Variants in CACNA1H observed in about 807,000 individuals in gnomAD.
CACNA1H encodes the protein calcium voltage-gated channel subunit alpha1 H, also known as voltage-dependent T-type calcium channel subunit alpha-1H.
A neutral mutation model predicts 192.5 loss-of-function variants in CACNA1H; 149 were observed. That is an observed-to-expected ratio of 0.77 (90% confidence interval 0.68 to 0.89). The LOEUF (loss-of-function observed/expected upper bound fraction) is 0.89, where lower values mean the gene tolerates loss of function less well. Ranked by LOEUF, CACNA1H falls within the 40% of genes least tolerant of loss-of-function variation. The probability of loss-of-function intolerance (pLI) is 0.00; values close to 1 mark genes in which losing one functional copy is unlikely to be tolerated. For synonymous variants in CACNA1H, 2,202 were observed against 1,475.2 expected, an observed-to-expected ratio of 1.49 and a Z score of -11.29; for missense variants, 4,257 against 3,423.5, an observed-to-expected ratio of 1.24 and a Z score of -6.08.
chr16:1,215,050 G>A lies in CACNA1H; in HGVS notation c.5008G>A (p.Ala1670Thr). The change falls in exon 28 of 35, where the codon GCA becomes ACA. Residue 1670 changes from alanine to threonine, a missense_variant. Ala to Thr is a moderately conservative substitution (Grantham distance 58). Transcript: ENST00000348261. The part of the protein sequence containing the change: ...FVFEAALKLV[A>T]FGFRRFFKDR... The stretch of plus-strand genomic sequence containing the variant: ...CTTCGAGGCTGCACTGAAGCTGGTA[G>A]CATTTGGGTTCCGTCGGTTCTTCAA... 1 of 1,613,042 alleles carries A rather than the reference G, an allele frequency of 6.2e-7. No individual in the cohort carries two copies. Among genetic ancestry groups the A allele is most frequent in the Non-Finnish European group, 8.5e-7 (1 of 1,179,518 alleles).
intron 13 of CACNA1H, 67 bp from the exon 14 acceptor site, chr16:1,207,208 C>G: frequency 1.3e-6 from 2 of 1,555,556 alleles, no homozygotes; most frequent in South Asian, 1.2e-5. Flanking sequence ...ATAGCTGCCT[C>G]TGCCCCAAGG....
intron 2 of CACNA1H, 63 bp from the exon 3 acceptor site, chr16:1,194,909 T>C (rs1966853766): frequency 1.6e-6 from 2 of 1,239,776 alleles, no homozygotes; most frequent in Non-Finnish European, 2.4e-6. Flanking sequence ...GGTGGGCATT[T>C]GGAGGGCCCC....
chr16:1,184,341 A>T (rs975590720), intron 2 of CACNA1H, among the ~76,000 whole-genome samples: 1 of 152,222 alleles, frequency 6.6e-6, no homozygotes, highest in Non-Finnish European at 1.5e-5. Context: ...GAGGCCGGCA[A>T]GCGTGGGACC....
rs374847612 is a variant in CACNA1H at position 1,209,318 on chromosome 16, G to A, written c.3650G>A (p.Arg1217His). The A allele has an allele frequency of 2.9e-5, 46 of 1,597,748 alleles. No individual in the cohort carries two copies. The highest frequency in any genetic ancestry group is 2.3e-4 in the African/African-American group (17 of 75,018). The change falls in exon 17 of 35, where the codon CGC (arginine) becomes CAC (histidine). Residue 1217 changes from arginine (R) to histidine (H), a missense_variant. By Grantham distance (29) the Arg-to-His change is conservative. Transcript: ENST00000348261. ...CTCCCGCCTACCAAGTGCCGCGATC[G>A]CGACGGGCAGGTGGTGGCCCTGCCC... is the stretch of plus-strand genomic sequence containing the variant. ...AALPPTKCRD[R>H]DGQVVALPSD...
intron 2 of CACNA1H, among the ~76,000 whole-genome samples, chr16:1,181,286 C>T (rs1965437481): frequency 6.6e-6 from 1 of 152,248 alleles, no homozygotes. Flanking sequence ...CCCGGCATGG[C>T]CGGCCCCTCC....
intron 21 of CACNA1H, 36 bp downstream of exon 21, chr16:1,211,007 G>A (rs770990176): frequency 1.3e-6 from 2 of 1,582,702 alleles, no homozygotes; most frequent in East Asian, 2.2e-5. Context: ...GGGCAACCTG[G>A]AAGCACAGTC....
rs1375597386 is a variant in CACNA1H, at chr16:1,217,014, A to G, written c.5323+4A>G. ...GTGGAGCTGTTCGGGAGGCTGGGTGAGTGGCTCCTGCGCCCTCCTCCTGGC... is the reference window on the plus strand; with the variant it reads ...GTGGAGCTGTTCGGGAGGCTGGGTGGGTGGCTCCTGCGCCCTCCTCCTGGC... On this transcript the variant is annotated splice_donor_region_variant and intron_variant, in intron 31 of 34. Coordinates refer to ENST00000348261, the MANE Select transcript of CACNA1H (RefSeq NM_021098.3). 6.3e-7 allele frequency: 1 copy of G among 1,585,920 alleles called. No homozygotes were observed. The highest frequency in any genetic ancestry group is 8.6e-7 in the Non-Finnish European group (1 of 1,165,928).
At position 1,210,862 on chromosome 16, in the gene CACNA1H, G is replaced by A. The variant is rs546335260; in HGVS notation, c.4114G>A (p.Val1372Met). 6.2e-7 allele frequency: 1 copy of A among 1,605,724 alleles called. No individual in the cohort carries two copies. The highest frequency in any genetic ancestry group is 8.5e-7 in the Non-Finnish European group (1 of 1,179,734). ...CTGGAACCTGCTGGATGGGCTGCTGGTGCTGGTGTCCCTGGTGGACATTGT... is the reference window on the plus strand; with the variant it reads ...CTGGAACCTGCTGGATGGGCTGCTGATGCTGGTGTCCCTGGTGGACATTGT... ...SSWNLLDGLL[V>M]LVSLVDIVVA... Residue 1372 changes from valine (V) to methionine (M), a missense_variant, in exon 21 of 35, where the codon GTG (valine) becomes ATG (methionine). Transcript: ENST00000348261.
At chr16:1,185,512 G>A (rs1379989464) in intron 2 of CACNA1H, among the ~76,000 whole-genome samples, 32 of 130,032 alleles carry the variant, frequency 2.5e-4, no homozygotes, top group African/African-American at 1.0e-3. Context: ...CCCCCCCCCC[G>A]CCGAGTCTGC....
chr16:1,164,052 C>A (rs1963499580), intron 2 of CACNA1H, among the ~76,000 whole-genome samples: 1 of 152,212 alleles, frequency 6.6e-6, no homozygotes, highest in Non-Finnish European at 1.5e-5. Context: ...GTGAGACTGC[C>A]TGGCCGCCGG....
chr16:1,179,909 G>A lies in CACNA1H; in HGVS notation c.300-15063G>A, dbSNP rs530166290. Among the ~76,000 whole-genome samples, 5 of 151,404 alleles carry A rather than the reference G, an allele frequency of 3.3e-5. No individual in the cohort carries two copies. In the East Asian group the frequency reaches 9.7e-4, roughly 29 times the overall value. On this transcript the variant is annotated intron_variant, in intron 2 of 34. Coordinates refer to ENST00000348261, the MANE Select transcript of CACNA1H (RefSeq NM_021098.3). The stretch of plus-strand genomic sequence containing the variant: ...GCCACCACGCCCAGCTAATTGTTTT[G>A]TATTTTTAGTAGAGACGGGGTTTCA...
chr16:1,161,142 G>A lies in CACNA1H; in HGVS notation c.299+7106G>A, dbSNP rs118135021. 4.5e-3 allele frequency among the ~76,000 whole-genome samples: 681 copies of A among 152,330 alleles called. 12 individuals carry two copies. Among genetic ancestry groups the A allele is most frequent in the East Asian group, 0.043 (223 of 5,174 alleles). On this transcript the variant is annotated intron_variant, in intron 2 of 34. Coordinates refer to ENST00000348261, the MANE Select transcript of CACNA1H (RefSeq NM_021098.3). ...AAAAGGCCTTGAGCGAGACCTCAGC[G>A]TCTGCTGGCCCTGCTGGACTCGTCT...
intron 2 of CACNA1H, among the ~76,000 whole-genome samples, chr16:1,186,565 T>G (rs117767543): frequency 0.037 from 5,601 of 152,198 alleles, 142 homozygotes; most frequent in South Asian, 0.091. Context: ...TCTGTACCTC[T>G]GCACACGTGC....
chr16:1,207,935 G>A, intron 15 of CACNA1H, 75 bp downstream of exon 15: 1 of 1,541,812 alleles, frequency 6.5e-7, no homozygotes, highest in Non-Finnish European at 8.8e-7. Flanking sequence ...GCCCCCATAA[G>A]GCAATCCCTA....
Position 1,204,067 on chromosome 16 carries a change from GC to G in CACNA1H, c.2066del (p.Pro689GlnfsTer5), listed in dbSNP as rs1229309693. On this transcript the variant is annotated frameshift_variant, in exon 10 of 35. Transcript: ENST00000348261. LOFTEE classifies it high-confidence loss of function. ...CTCAGTGTGCCCTGCCCCCTGCCCA[GC>G]CCCCCAGCGGGCACACTGACCTGTG... is the stretch of plus-strand genomic sequence containing the variant. ...SGLSVPCPLPSPPAGTLTCEL... is the reference protein window; with the variant it reads ...SGLSVPCPLPXPPAGTLTCEL... 2 of 1,600,972 alleles carry G rather than the reference GC, an allele frequency of 1.2e-6. No individual in the cohort carries two copies. The highest frequency in any genetic ancestry group is 8.5e-7 in the Non-Finnish European group (1 of 1,174,710).
chr16:1,203,376 C>T (rs11861554), intron 9 of CACNA1H, among the ~76,000 whole-genome samples: 2 of 151,918 alleles, frequency 1.3e-5, no homozygotes, highest in African/African-American at 4.8e-5. Context: ...GCTGTGGCTG[C>T]TGGGAAGTGG....
chr16:1,167,200 TG>T lies in CACNA1H; in HGVS notation c.299+13168del, dbSNP rs1442921048. Among the ~76,000 whole-genome samples the T allele has an allele frequency of 4.6e-5, 7 of 151,968 alleles. No homozygotes were observed. The highest frequency in any genetic ancestry group is 1.0e-4 in the Non-Finnish European group (7 of 67,988). ...AAATGGCAGCCCCTGACCTGCCCCG[TG>T]GGGATGAAACGGGCTCTTTGCGGGG... is the stretch of plus-strand genomic sequence containing the variant. On this transcript the variant is annotated intron_variant, in intron 2 of 34. Transcript: ENST00000348261. This position sits in a 1 kb window ranked among gnomAD's most constrained non-coding sequence, Gnocchi z 4.2.
intron 24 of CACNA1H, 44 bp downstream of exon 24, chr16:1,211,849 C>A (rs368590889): frequency 8.7e-6 from 14 of 1,609,474 alleles, no homozygotes; most frequent in African/African-American, 5.3e-5. Flanking sequence ...GGGTCTCCCG[C>A]GAGCGGCTGC....
intron 34 of CACNA1H, among the ~76,000 whole-genome samples, 151 bp downstream of exon 34, chr16:1,219,281 T>G (rs1238718359): frequency 6.6e-6 from 1 of 152,140 alleles, no homozygotes; most frequent in Non-Finnish European, 1.5e-5. Context: ...TGCCTGCTGC[T>G]TGGTGGATCT....
Sources: allele counts gnomAD v4.1 joint callset (sites outside exome capture counted in the v4.1 genomes callset), GRCh38; gene constraint gnomAD v4.1.1; non-coding constraint Gnocchi (gnomAD v3.1); transcripts MANE v1.5; gene names NCBI Gene and HGNC (gene_info 2026-07-23, HGNC 2026-07-21).